Variants in DERA observed in about 807,000 individuals in gnomAD.
DERA encodes the protein 2-deoxy-D-ribose 5-phosphate aldolase.
Under a neutral mutation model 41.1 loss-of-function variants are expected in DERA, and 15 were observed. That is an observed-to-expected ratio of 0.37 (90% CI 0.24 to 0.56). DERA has a LOEUF of 0.56. DERA is among the 20% of genes least tolerant of loss of function. The pLI is 0.81. For synonymous variants in DERA, 139 were observed against 137.4 expected (o/e 1.01, Z -0.08); for missense variants, 396 against 403.4 (o/e 0.98, Z 0.16).
At chr12:15,926,914 A>G (rs1056372249) in intron 1 of DERA, among the ~76,000 whole-genome samples, 9 of 152,134 alleles carry the variant, frequency 5.9e-5, no homozygotes, top group Non-Finnish European at 2.9e-5. Context: ...GTGTGTCTAG[A>G]AGGATACCAG....
rs76912857 is a variant in DERA at position 15,924,543 on chromosome 12, A to G, written c.31+13129A>G. 7.1e-3 allele frequency among the ~76,000 whole-genome samples: 1,079 copies of G among 152,330 alleles called. 13 individuals are homozygous for G. The highest frequency in any genetic ancestry group is 0.024 in the African/African-American group (1,014 of 41,574). ...TGTTTCCATCTTAGCCCTGACAAGT[A>G]TGGTGTGACCTTGAACAAGTAATTT... On this transcript the variant is annotated intron_variant, in intron 1 of 8. Transcript: ENST00000428559. This position sits in a 1 kb window ranked among gnomAD's most constrained non-coding sequence, Gnocchi z 5.0.
At position 16,036,183 on chromosome 12, in the gene DERA, G is replaced by T; in HGVS notation, c.751-49G>T. 2 of 1,443,436 alleles carry T rather than the reference G, an allele frequency of 1.4e-6. No individual in the cohort carries two copies. The highest frequency in any genetic ancestry group is 1.8e-6 in the Non-Finnish European group (2 of 1,089,858). The allele number at this position is 1,443,436 out of a possible 1,614,324, so 89.4% of individuals were successfully genotyped here. A position where few individuals can be genotyped will look rare whatever the true frequency, so the allele number is the denominator to read the frequency against. ...GATAAACATAGTACTATTTTTAAAAGAAATCCAATAACAATAAAGATTGTT... is the reference window on the plus strand; with the variant it reads ...GATAAACATAGTACTATTTTTAAAATAAATCCAATAACAATAAAGATTGTT... On this transcript the variant is annotated intron_variant, in intron 7 of 8. Transcript: ENST00000428559. The surrounding 1 kb of genome is among the most constrained non-coding windows in gnomAD (Gnocchi z 4.9).
At position 15,911,861 on chromosome 12, in the gene DERA, C is replaced by T. The variant is rs1046737796; in HGVS notation, c.31+447C>T. 6 of 438,120 alleles carry T rather than the reference C, an allele frequency of 1.4e-5. No individual in the cohort carries two copies. The highest frequency in any genetic ancestry group is 4.1e-5 in the African/African-American group (2 of 49,108). The allele number at this position is 438,120 out of a possible 1,614,324, so 27.1% of individuals were successfully genotyped here. On this transcript the variant is annotated intron_variant, in intron 1 of 8. Transcript: ENST00000428559. The surrounding 1 kb of genome is among the most constrained non-coding windows in gnomAD (Gnocchi z 4.5). The stretch of plus-strand genomic sequence containing the variant: ...TAACCGTAACCTTGAAGTGGCCGTG[C>T]TCGTGGAAAAGTTGTCAGCCGTCTG...
In DERA at chr12:15,976,672, G is replaced by C. The variant is rs1378553604; in HGVS notation, c.509-5636G>C. Among the ~76,000 whole-genome samples, 1 of 152,176 alleles carries C rather than the reference G, an allele frequency of 6.6e-6. No individual in the cohort carries two copies. The highest frequency in any genetic ancestry group is 2.4e-5 in the African/African-American group (1 of 41,434). On this transcript the variant is annotated intron_variant, in intron 5 of 8. Transcript: ENST00000428559. This position sits in a 1 kb window ranked among gnomAD's most constrained non-coding sequence, Gnocchi z 4.1. The stretch of plus-strand genomic sequence containing the variant: ...CAACGTTTACCATCATTTTACGTGT[G>C]CTTATTATCAAAGGTGGATCTGAAG...
chr12:15,948,730 T>C (rs1228301594), intron 1 of DERA, among the ~76,000 whole-genome samples: 1 of 152,262 alleles, frequency 6.6e-6, no homozygotes, highest in Non-Finnish European at 1.5e-5. Flanking sequence ...AGCTTTGTTC[T>C]GTTGCTGGCG....
In DERA at chr12:15,957,096, G is replaced by C; in HGVS notation, c.129+63G>C. 1.6e-6 allele frequency: 2 copies of C among 1,260,716 alleles called. No homozygotes were observed. Among genetic ancestry groups the C allele is most frequent in the Non-Finnish European group, 1.2e-6 (1 of 866,906 alleles). 78.1% of individuals were successfully genotyped at this position (1,260,716 alleles called of 1,614,324 possible). On this transcript the variant is annotated intron_variant, in intron 2 of 8. Coordinates refer to ENST00000428559, the MANE Select transcript of DERA (RefSeq NM_015954.4). This position sits in a 1 kb window ranked among gnomAD's most constrained non-coding sequence, Gnocchi z 4.8. The stretch of plus-strand genomic sequence containing the variant: ...ACAATGCATGGTCTCTTCCCTCAAG[G>C]CCACAATATTGAATTTCACTCAAGA...
At position 16,011,823 on chromosome 12, in the gene DERA, A is replaced by G. The variant is rs1948948517; in HGVS notation, c.638-20719A>G. Among the ~76,000 whole-genome samples the G allele has an allele frequency of 6.6e-6, 1 of 152,212 alleles. No homozygotes were observed. Among genetic ancestry groups the G allele is most frequent in the Non-Finnish European group, 1.5e-5 (1 of 68,024 alleles). ...ACCTTAATATTTTGTTCAAACTATT[A>G]TACCTATATAATAATAATGCCTGTG... On this transcript the variant is annotated intron_variant, in intron 6 of 8. Coordinates refer to ENST00000428559, the MANE Select transcript of DERA (RefSeq NM_015954.4). This position sits in a 1 kb window ranked among gnomAD's most constrained non-coding sequence, Gnocchi z 4.7.
At position 15,954,699 on chromosome 12, in the gene DERA, C is replaced by T. The variant is rs1948524329; in HGVS notation, c.32-2237C>T. 6.6e-6 allele frequency among the ~76,000 whole-genome samples: 1 copy of T among 152,068 alleles called. No individual in the cohort carries two copies. Among genetic ancestry groups the T allele is most frequent in the Non-Finnish European group, 1.5e-5 (1 of 68,014 alleles). ...AGGAGCCAGATGGTGAAGGAAGAGGCTTGTGTTTGCCTGAGACCCCTCTCC... is the reference window on the plus strand; with the variant it reads ...AGGAGCCAGATGGTGAAGGAAGAGGTTTGTGTTTGCCTGAGACCCCTCTCC... On this transcript the variant is annotated intron_variant, in intron 1 of 8. Transcript: ENST00000428559. This position sits in a 1 kb window ranked among gnomAD's most constrained non-coding sequence, Gnocchi z 4.0.
Position 15,936,624 on chromosome 12 carries a change from C to T in DERA, c.32-20312C>T, listed in dbSNP as rs1434122543. Among the ~76,000 whole-genome samples the T allele has an allele frequency of 6.6e-6, 1 of 152,154 alleles. No homozygotes were observed. The highest frequency in any genetic ancestry group is 1.5e-5 in the Non-Finnish European group (1 of 68,024). ...TACTGAGACCATATTTAAATTTGTT[C>T]AGTTGTCCCCAAAATGTAATGTATT... On this transcript the variant is annotated intron_variant, in intron 1 of 8. Coordinates refer to ENST00000428559, the MANE Select transcript of DERA (RefSeq NM_015954.4). The surrounding 1 kb of genome is among the most constrained non-coding windows in gnomAD (Gnocchi z 4.6).
chr12:16,001,021 A>G lies in DERA; in HGVS notation c.637+18585A>G, dbSNP rs1189040651. On this transcript the variant is annotated intron_variant, in intron 6 of 8. Coordinates refer to ENST00000428559, the MANE Select transcript of DERA (RefSeq NM_015954.4). The surrounding 1 kb of genome is among the most constrained non-coding windows in gnomAD (Gnocchi z 4.1). ...CTGAGACATTTTCATTATTGTCAGT[A>G]TTTTCTAAATTGAGTGGTTATTAAA... Among the ~76,000 whole-genome samples, 2 of 152,162 alleles carry G rather than the reference A, an allele frequency of 1.3e-5. No homozygotes were observed. The highest frequency in any genetic ancestry group is 4.8e-5 in the African/African-American group (2 of 41,432).
chr12:15,960,914 G>A (rs574948976), intron 4 of DERA, among the ~76,000 whole-genome samples: 2 of 152,320 alleles, frequency 1.3e-5, no homozygotes, highest in South Asian at 4.1e-4. Context: ...TACAAAGGCA[G>A]GGCTCTGAAG....
At position 15,937,105 on chromosome 12, in the gene DERA, C is replaced by A. The variant is rs188903310; in HGVS notation, c.32-19831C>A. 2.2e-3 allele frequency among the ~76,000 whole-genome samples: 341 copies of A among 152,214 alleles called. 3 individuals are homozygous for A. The highest frequency in any genetic ancestry group is 8.0e-3 in the African/African-American group (330 of 41,508). On this transcript the variant is annotated intron_variant, in intron 1 of 8. Coordinates refer to ENST00000428559, the MANE Select transcript of DERA (RefSeq NM_015954.4). Reference sequence around the variant, plus strand: ...GTATAGCTGGGACCACTGGCATGCACCAGCACGACCTGGCTAATTTTTAAT... The same window carrying A: ...GTATAGCTGGGACCACTGGCATGCAACAGCACGACCTGGCTAATTTTTAAT...
At position 15,911,912 on chromosome 12, in the gene DERA, C is replaced by G. The variant is rs898495019; in HGVS notation, c.31+498C>G. On this transcript the variant is annotated intron_variant, in intron 1 of 8. Coordinates refer to ENST00000428559, the MANE Select transcript of DERA (RefSeq NM_015954.4). The surrounding 1 kb of genome is among the most constrained non-coding windows in gnomAD (Gnocchi z 4.5). ...TGCTCAAAATGTAACACTGCAGATT[C>G]ATGGGATTTTAGAGTTACAAAGATT... Among the ~76,000 whole-genome samples, 1 of 152,102 alleles carries G rather than the reference C, an allele frequency of 6.6e-6. No individual in the cohort carries two copies. Among genetic ancestry groups the G allele is most frequent in the Non-Finnish European group, 1.5e-5 (1 of 68,030 alleles).
At chr12:15,963,190 A>G (rs1191815702) in intron 5 of DERA, among the ~76,000 whole-genome samples, 2 of 152,186 alleles carry the variant, frequency 1.3e-5, no homozygotes, top group African/African-American at 2.4e-5. Context: ...AGTTACTTCC[A>G]TGCAATAGAT....
chr12:15,995,601 C>T lies in DERA; in HGVS notation c.637+13165C>T, dbSNP rs1948831646. On this transcript the variant is annotated intron_variant, in intron 6 of 8. Transcript: ENST00000428559. This position sits in a 1 kb window ranked among gnomAD's most constrained non-coding sequence, Gnocchi z 5.1. ...GAAAAGCAGATCTTTCTGTTTTCCA[C>T]CTGATGGAGGAGTAGGAGAGATGTT... Among the ~76,000 whole-genome samples, 1 of 152,010 alleles carries T rather than the reference C, an allele frequency of 6.6e-6. No individual in the cohort carries two copies. The highest frequency in any genetic ancestry group is 6.5e-5 in the Admixed American group (1 of 15,270).
At chr12:16,024,489 C>G (rs886720365) in intron 6 of DERA, among the ~76,000 whole-genome samples, 1 of 152,130 alleles carries the variant, frequency 6.6e-6, no homozygotes, top group Non-Finnish European at 1.5e-5. Flanking sequence ...GAGTGAAATA[C>G]TTAGAAGGGT....
At chr12:15,960,636 C>CAAAAAAAAAAAAAAAAAA (rs1163104277) in intron 4 of DERA, among the ~76,000 whole-genome samples, 1 of 28,718 alleles carries the variant, frequency 3.5e-5, no homozygotes, top group African/African-American at 1.3e-4. Flanking sequence ...GACTCCGTCT[C>CAAAAAAAAAAAAAAAAAA]AAAAAAAAAA....
At chr12:15,987,338 G>A (rs976337996) in intron 6 of DERA, among the ~76,000 whole-genome samples, 1 of 147,958 alleles carries the variant, frequency 6.8e-6, no homozygotes, top group African/African-American at 2.5e-5. Flanking sequence ...CCAGGTTCAA[G>A]TGATTCTCCT....
chr12:16,032,429 A>G, intron 6 of DERA, 113 bp from the exon 7 acceptor site: 1 of 623,568 alleles, frequency 1.6e-6, no homozygotes, highest in Non-Finnish European at 2.7e-6. Context: ...TTAATGAAAA[A>G]TAACATTGGG....
Sources: gnomAD v4.1 joint callset for allele counts (sites outside exome capture counted in the v4.1 genomes callset) on GRCh38, gnomAD v4.1.1 for gene constraint, Gnocchi (gnomAD v3.1) non-coding constraint, MANE v1.5 for transcripts, NCBI Gene and HGNC (gene_info 2026-07-23, HGNC 2026-07-21) for gene names.